FECH: variants seen among roughly 807,000 people sequenced by gnomAD.
FECH encodes ferrochelatase, also known as ferrochelatase, mitochondrial.
Under a neutral mutation model 56.9 loss-of-function variants are expected in FECH, and 40 were observed. That is an observed-to-expected ratio of 0.70 (90% CI 0.55 to 0.92). FECH has a LOEUF of 0.92. Ranked by LOEUF, FECH falls within the 40% of genes least tolerant of loss-of-function variation. The pLI is 0.00. For missense variants in FECH, 431 were observed against 529.1 expected (o/e 0.81, Z 1.82); for synonymous variants, 175 against 198.6 (o/e 0.88, Z 1.00).
chr18:57,556,760 T>C (rs117717730), intron 7 of FECH, among the ~76,000 whole-genome samples: 2,778 of 150,644 alleles, frequency 0.018, 43 homozygotes, highest in East Asian at 0.093. Flanking sequence ...AAAATACAAA[T>C]ATTAGCTGGG....
intron 3 of FECH, chr18:57,573,030 C>G: frequency 1.7e-6 from 1 of 580,662 alleles, no homozygotes; most frequent in Non-Finnish European, 3.0e-6. Flanking sequence ...CTCTGGGGAG[C>G]AAAGGGCTCA....
intron 6 of FECH, among the ~76,000 whole-genome samples, chr18:57,562,089 G>T (rs552572109): frequency 6.6e-4 from 100 of 152,182 alleles, no homozygotes; most frequent in Non-Finnish European, 1.2e-3. Context: ...AGGGTTTTTT[G>T]CCGGGAGTCA....
At chr18:57,566,349 A>G in intron 5 of FECH, 98 bp downstream of exon 5, 1 of 1,542,098 alleles carries the variant, frequency 6.5e-7, no homozygotes, top group Non-Finnish European at 9.0e-7. Flanking sequence ...TTGCCATTCA[A>G]ATTGCAAATA....
chr18:57,551,143 G>A, intron 10 of FECH, 172 bp downstream of exon 10: 1 of 653,178 alleles, frequency 1.5e-6, no homozygotes, highest in Non-Finnish European at 2.6e-6. Context: ...TCAGAAAATT[G>A]GGGCTATCTG....
intron 6 of FECH, among the ~76,000 whole-genome samples, chr18:57,561,947 A>G (rs1240566558): frequency 6.6e-6 from 1 of 152,170 alleles, no homozygotes; most frequent in Non-Finnish European, 1.5e-5. Context: ...ATTGGATTTC[A>G]ACCCAAGTGT....
intron 1 of FECH, among the ~76,000 whole-genome samples, chr18:57,585,712 C>T (rs1018371690): frequency 1.5e-4 from 23 of 152,132 alleles, no homozygotes; most frequent in Admixed American, 1.2e-3. Context: ...AGTCACCGTT[C>T]GGATGCATTG....
chr18:57,581,337 C>A (rs2051274470), intron 1 of FECH, among the ~76,000 whole-genome samples: 1 of 152,176 alleles, frequency 6.6e-6, no homozygotes, highest in Non-Finnish European at 1.5e-5. Flanking sequence ...AGATCATGTG[C>A]CATACTCAGC....
chr18:57,582,287 T>C lies in FECH; in HGVS notation c.68-2088A>G, dbSNP rs116299146. On this transcript the variant is annotated intron_variant, in intron 1 of 10. Transcript: ENST00000262093. Reference sequence around the variant, plus strand: ...AACTTTTTGAGCACTGACATGACACTCAAAGAAAATGCTCATTGGAGCATT... The same window carrying C: ...AACTTTTTGAGCACTGACATGACACCCAAAGAAAATGCTCATTGGAGCATT... Among the ~76,000 whole-genome samples, 422 of 152,198 alleles carry C rather than the reference T, an allele frequency of 2.8e-3. 1 individual carries two copies. Among genetic ancestry groups the C allele is most frequent in the African/African-American group, 9.7e-3 (403 of 41,510 alleles).
At chr18:57,565,149 ATCT>A in intron 5 of FECH, among the ~76,000 whole-genome samples, 1 of 152,346 alleles carries the variant, frequency 6.6e-6, no homozygotes, top group Admixed American at 6.5e-5. Context: ...GTAAATAACA[ATCT>A]TCTTAATTTA....
intron 1 of FECH, among the ~76,000 whole-genome samples, chr18:57,584,461 T>G (rs1049011875): frequency 6.8e-6 from 1 of 148,148 alleles, no homozygotes; most frequent in Non-Finnish European, 1.5e-5. Context: ...CAAAAAGAAA[T>G]AAAGAAAAAG....
rs1165348772 is a variant in FECH at position 57,549,052 on chromosome 18, C to A, written c.*1660G>T. On this transcript the variant is annotated 3_prime_UTR_variant, in exon 11 of 11. Coordinates refer to ENST00000262093, the MANE Select transcript of FECH (RefSeq NM_000140.5). ...ACGGTCACTCAAAGTCTACTGTGAACCTCATCCCCAAAAAGGTAATGGCAA... is the reference window on the plus strand; with the variant it reads ...ACGGTCACTCAAAGTCTACTGTGAAACTCATCCCCAAAAAGGTAATGGCAA... The A allele has an allele frequency of 6.6e-6, 1 of 152,110 alleles. No individual in the cohort carries two copies. The highest frequency in any genetic ancestry group is 1.5e-5 in the Non-Finnish European group (1 of 68,020). The allele number at this position is 152,110 out of a possible 1,614,324, so 9.4% of individuals were successfully genotyped here.
At chr18:57,575,037 A>G (rs748053151) in intron 2 of FECH, among the ~76,000 whole-genome samples, 46 of 152,252 alleles carry the variant, frequency 3.0e-4, no homozygotes, top group Non-Finnish European at 5.4e-4. Context: ...CTGGGTCTAT[A>G]GATTTGCCTA....
intron 4 of FECH, among the ~76,000 whole-genome samples, chr18:57,569,772 A>G (rs180756198): frequency 4.6e-5 from 7 of 151,804 alleles, no homozygotes; most frequent in Admixed American, 6.6e-5. Context: ...AAAAATGGGA[A>G]CCTTTCTGCC....
Position 57,560,218 on chromosome 18 carries a change from G to C in FECH, c.706-975C>G, listed in dbSNP as rs58898351. ...AAACACACTTAAGTGTTTAGGTGTAGAGGATGGTGATATATGCATAACTTA... is the reference window on the plus strand; with the variant it reads ...AAACACACTTAAGTGTTTAGGTGTACAGGATGGTGATATATGCATAACTTA... On this transcript the variant is annotated intron_variant, in intron 6 of 10. Coordinates refer to ENST00000262093, the MANE Select transcript of FECH (RefSeq NM_000140.5). Among the ~76,000 whole-genome samples, 1,069 of 152,356 alleles carry C rather than the reference G, an allele frequency of 7.0e-3. 8 individuals are homozygous for C. The highest frequency in any genetic ancestry group is 0.023 in the African/African-American group (962 of 41,578).
In FECH at chr18:57,551,171, C is replaced by A; in HGVS notation, c.1137+144G>T. On this transcript the variant is annotated intron_variant, in intron 10 of 10. Transcript: ENST00000262093. ...GCTATCTGAAGGAAAAAAGACTGAGCAGATAAGGAATTCGATTTTATTTTT... is the reference window on the plus strand; with the variant it reads ...GCTATCTGAAGGAAAAAAGACTGAGAAGATAAGGAATTCGATTTTATTTTT... The A allele has an allele frequency of 1.4e-5, 10 of 700,748 alleles. No homozygotes were observed. The South Asian group carries it at 1.8e-4, about 12-fold the overall frequency. 43.4% of individuals were successfully genotyped at this position (700,748 alleles called of 1,614,324 possible). A position where few individuals can be genotyped will look rare whatever the true frequency, so the allele number is the denominator to read the frequency against.
rs753067252 is a variant in FECH, at chr18:57,546,159, G to A, written c.*4553C>T. On this transcript the variant is annotated 3_prime_UTR_variant, in exon 11 of 11. Transcript: ENST00000262093. ...CTAACGTTAGGAGCCCTGTTCCTGG[G>A]CCACCTTCAGGATTCTGGCAGAAGG... Among the ~76,000 whole-genome samples, 6 of 152,178 alleles carry A rather than the reference G, an allele frequency of 3.9e-5. No individual in the cohort carries two copies. Among genetic ancestry groups the A allele is most frequent in the Non-Finnish European group, 5.9e-5 (4 of 68,028 alleles).
intron 4 of FECH, among the ~76,000 whole-genome samples, chr18:57,570,037 GTGTGTGT>G (rs1261541533): frequency 1.9e-4 from 15 of 78,676 alleles, no homozygotes; most frequent in Middle Eastern, 5.3e-3. Flanking sequence ...GTTGTCGTGT[GTGTGTGT>G]GTGTGTGTGT....
intron 5 of FECH, 65 bp from the exon 6 acceptor site, chr18:57,563,045 G>T (rs2050966614): frequency 3.1e-6 from 4 of 1,280,462 alleles, no homozygotes; most frequent in Non-Finnish European, 4.5e-6. Context: ...AAACAGACTC[G>T]TAAAGGTAGT....
At chr18:57,555,533 C>T (rs1270663165) in intron 7 of FECH, among the ~76,000 whole-genome samples, 1 of 152,194 alleles carries the variant, frequency 6.6e-6, no homozygotes, top group East Asian at 1.9e-4. Context: ...ACTTTGTGCA[C>T]AGCAAATGTT....
Sources: allele counts gnomAD v4.1 joint callset (sites outside exome capture counted in the v4.1 genomes callset), GRCh38; gene constraint gnomAD v4.1.1; transcripts MANE v1.5; gene names NCBI Gene and HGNC (gene_info 2026-07-23, HGNC 2026-07-21).